The following PLEKHA7 variants were observed in gnomAD, a reference collection of about 807,000 sequenced individuals.
PLEKHA7 encodes the protein pleckstrin homology domain-containing family A member 7.
Under a neutral mutation model 170.0 loss-of-function variants are expected in PLEKHA7, and 104 were observed. The ratio of observed to expected loss-of-function variants is 0.61; its 90% CI spans 0.52 to 0.72. PLEKHA7 has a LOEUF of 0.72. PLEKHA7 is among the 30% of genes least tolerant of loss of function. PLEKHA7 has a pLI of 0.00. For missense variants in PLEKHA7, 1,615 were observed against 1,671.7 expected (o/e 0.97, Z 0.59); for synonymous variants, 648 against 660.8 (o/e 0.98, Z 0.30).
rs1010370920 is a variant in PLEKHA7, at chr11:16,870,996, C to G, written c.305+103G>C. On this transcript the variant is annotated intron_variant, in intron 4 of 26. Coordinates refer to ENST00000531066, the MANE Select transcript of PLEKHA7 (RefSeq NM_001329630.2). ...AATCAACCAACCCACTCACCCCAAGCCCCTCTGTCTCAGAGAAAACAGTCC... is the reference window on the plus strand; with the variant it reads ...AATCAACCAACCCACTCACCCCAAGGCCCTCTGTCTCAGAGAAAACAGTCC... The G allele has an allele frequency of 4.8e-6, 4 of 825,670 alleles. No homozygotes were observed. In the African/African-American group the frequency reaches 5.2e-5, roughly 11 times the overall value. The allele number at this position is 825,670 out of a possible 1,614,324, so 51.1% of individuals were successfully genotyped here.
Position 16,777,526 on chromosome 11 carries a change from G to A in PLEKHA7, c.*1472C>T, listed in dbSNP as rs1420723369. ...TATTCAAAATTCTATTTTTTTTTCT[G>A]AGCATAGTCAAAGAGAAATTTTCAT... On this transcript the variant is annotated 3_prime_UTR_variant, in exon 27 of 27. Coordinates refer to ENST00000531066, the MANE Select transcript of PLEKHA7 (RefSeq NM_001329630.2). 2.0e-5 allele frequency: 3 copies of A among 151,806 alleles called. No individual in the cohort carries two copies. The highest frequency in any genetic ancestry group is 6.6e-5 in the Admixed American group (1 of 15,262). The allele number at this position is 151,806 out of a possible 1,614,324, so 9.4% of individuals were successfully genotyped here. A position where few individuals can be genotyped will look rare whatever the true frequency, so the allele number is the denominator to read the frequency against.
intron 3 of PLEKHA7, among the ~76,000 whole-genome samples, chr11:17,006,272 G>A (rs1373625268): frequency 6.8e-6 from 1 of 146,582 alleles, no homozygotes; most frequent in Admixed American, 6.8e-5. Context: ...AGGTTGCAGT[G>A]AGCCGAGATC....
Position 17,004,000 on chromosome 11 carries a change from G to A in PLEKHA7, c.221+9989C>T, listed in dbSNP as rs79936281. 6.3e-4 allele frequency among the ~76,000 whole-genome samples: 96 copies of A among 152,284 alleles called. 1 individual carries two copies. The highest frequency in any genetic ancestry group is 2.1e-3 in the African/African-American group (88 of 41,564). On this transcript the variant is annotated intron_variant, in intron 3 of 26. Coordinates refer to ENST00000531066, the MANE Select transcript of PLEKHA7 (RefSeq NM_001329630.2). ...TGAAAAGCCAACAAGGAGTCTCTCC[G>A]CACTCCTCTGTCACCTAAGACTGAA...
In PLEKHA7 at chr11:16,803,032, A is replaced by C; in HGVS notation, c.2097T>G (p.Cys699Trp). The C allele has an allele frequency of 1.9e-6, 3 of 1,614,092 alleles. No homozygotes were observed. The highest frequency in any genetic ancestry group is 2.5e-6 in the Non-Finnish European group (3 of 1,180,004). The change falls in exon 15 of 27, where the codon TGT becomes TGG. Residue 699 changes from cysteine to tryptophan, a missense_variant. Transcript: ENST00000531066. ...AGTCCTGGAGGACCCTGTCTTGTTCACAGAAGATGCTCAGTTTGACCTAAA... is the reference window on the plus strand; with the variant it reads ...AGTCCTGGAGGACCCTGTCTTGTTCCCAGAAGATGCTCAGTTTGACCTAAA... ...SDTDVKLSIF[C>W]EQDRVLQDLE...
rs1053190200 is a variant in PLEKHA7, at chr11:16,786,518, T to C, written c.3358-131A>G. On this transcript the variant is annotated intron_variant, in intron 23 of 26. Transcript: ENST00000531066. The stretch of plus-strand genomic sequence containing the variant: ...CCTTAGGGAAAAGCTGTATGTGCAA[T>C]AGAGAATGAAGCTGCTGTCCCCTTC... The C allele has an allele frequency of 7.4e-5, 109 of 1,471,380 alleles. No individual in the cohort carries two copies. The Admixed American group carries it at 7.5e-4, about 10-fold the overall frequency. 91.1% of individuals were successfully genotyped at this position (1,471,380 alleles called of 1,614,324 possible).
intron 3 of PLEKHA7, among the ~76,000 whole-genome samples, chr11:16,904,594 A>T (rs923795307): frequency 1.3e-5 from 2 of 152,230 alleles, no homozygotes; most frequent in African/African-American, 4.8e-5. Flanking sequence ...TGTTAATTCT[A>T]AGATTATGCA....
At chr11:16,877,626 C>T (rs1590431292) in intron 3 of PLEKHA7, among the ~76,000 whole-genome samples, 1 of 152,342 alleles carries the variant, frequency 6.6e-6, no homozygotes, top group Non-Finnish European at 1.5e-5. Flanking sequence ...GCTCACTGCA[C>T]ATAGGCATTC....
chr11:16,886,260 T>C (rs75649976), intron 3 of PLEKHA7, among the ~76,000 whole-genome samples: 2,364 of 152,234 alleles, frequency 0.016, 60 homozygotes, highest in African/African-American at 0.054. Context: ...TTGAAAAATA[T>C]AGTCTACTGT....
intron 26 of PLEKHA7, 108 bp downstream of exon 26, chr11:16,782,646 T>G: frequency 7.2e-7 from 1 of 1,397,168 alleles, no homozygotes; most frequent in Non-Finnish European, 9.6e-7. Context: ...TCAACTACCA[T>G]CCTTGACACC....
At chr11:16,865,174 T>TATTG (rs2135577084) in intron 4 of PLEKHA7, among the ~76,000 whole-genome samples, 1 of 152,360 alleles carries the variant, frequency 6.6e-6, no homozygotes, top group Non-Finnish European at 1.5e-5. Context: ...CATCAATTTG[T>TATTG]ATTGAATGAA....
chr11:16,905,285 A>T (rs903024887), intron 3 of PLEKHA7, among the ~76,000 whole-genome samples: 3 of 152,222 alleles, frequency 2.0e-5, no homozygotes, highest in African/African-American at 7.2e-5. Context: ...TTAAAATAAA[A>T]TAAATGTTAT....
At chr11:16,842,791 A>T (rs1852077668) in intron 8 of PLEKHA7, among the ~76,000 whole-genome samples, 1 of 152,216 alleles carries the variant, frequency 6.6e-6, no homozygotes, top group Non-Finnish European at 1.5e-5. Context: ...AGGAAGATTT[A>T]CTGAGTACCT....
chr11:16,815,566 C>A (rs904723349), intron 12 of PLEKHA7, among the ~76,000 whole-genome samples: 2 of 152,172 alleles, frequency 1.3e-5, no homozygotes, highest in African/African-American at 4.8e-5. Context: ...GCTTTGTCAC[C>A]CAGGCTGGAG....
intron 3 of PLEKHA7, among the ~76,000 whole-genome samples, chr11:16,971,822 GT>G (rs543246026): frequency 6.6e-6 from 1 of 150,426 alleles, no homozygotes; most frequent in African/African-American, 2.4e-5. Flanking sequence ...CATTTTCCTG[GT>G]TTTTTTTTCT....
rs1853288603 is a variant in PLEKHA7, at chr11:16,854,779, CTCAGGA to C, written c.522+104_522+109del. ...GTAGAATCCAGCTGCCTCAGACAAA[CTCAGGA>C]ACAGAAAGCTTATGTGCCCATCCCT... On this transcript the variant is annotated intron_variant, in intron 6 of 26. Transcript: ENST00000531066. 3.3e-6 allele frequency: 3 copies of C among 918,322 alleles called. No homozygotes were observed. In the African/African-American group the frequency reaches 4.9e-5, roughly 15 times the overall value. The allele number at this position is 918,322 out of a possible 1,614,324, so 56.9% of individuals were successfully genotyped here.
chr11:16,926,571 T>C (rs1859559980), intron 3 of PLEKHA7, among the ~76,000 whole-genome samples: 1 of 152,118 alleles, frequency 6.6e-6, no homozygotes, highest in African/African-American at 2.4e-5. Flanking sequence ...TACAGAGGTG[T>C]TATAAGAATG....
At chr11:16,983,724 T>C (rs779121675) in intron 3 of PLEKHA7, among the ~76,000 whole-genome samples, 1 of 152,204 alleles carries the variant, frequency 6.6e-6, no homozygotes, top group Non-Finnish European at 1.5e-5. Context: ...ATCAGTCACC[T>C]TCTCCCTGCT....
chr11:16,824,439 G>A (rs945756788), intron 10 of PLEKHA7, among the ~76,000 whole-genome samples: 1 of 152,162 alleles, frequency 6.6e-6, no homozygotes, highest in Non-Finnish European at 1.5e-5. Context: ...ATAAATGCCC[G>A]AGGTGATGGA....
intron 10 of PLEKHA7, among the ~76,000 whole-genome samples, chr11:16,821,906 TCTCA>T: frequency 6.6e-6 from 1 of 152,184 alleles, no homozygotes; most frequent in Non-Finnish European, 1.5e-5. Flanking sequence ...ATGAAATTCC[TCTCA>T]CTGTGTGCTC....
Sources: allele counts gnomAD v4.1 joint callset (sites outside exome capture counted in the v4.1 genomes callset), GRCh38; gene constraint gnomAD v4.1.1; transcripts MANE v1.5; gene names NCBI Gene and HGNC (gene_info 2026-07-23, HGNC 2026-07-21).